DCDC1: variants seen among roughly 807,000 people sequenced by gnomAD.
DCDC1 encodes the protein doublecortin domain containing 1.
In DCDC1, 200 loss-of-function variants were observed where a neutral mutation model predicts 178.3. The observed-to-expected ratio is 1.12, with a 90% CI of 1.00 to 1.26. DCDC1 has a LOEUF of 1.26. DCDC1 is among the 50% of genes most tolerant of loss of function. DCDC1 has a pLI of 0.00. For missense variants in DCDC1, 1,983 were observed against 1,749.2 expected (o/e 1.13, Z -2.38); for synonymous variants, 690 against 604.8 (o/e 1.14, Z -2.07).
intron 20 of DCDC1, among the ~76,000 whole-genome samples, chr11:30,966,318 A>T: frequency 1.6e-5 from 1 of 61,026 alleles, no homozygotes; most frequent in African/African-American, 7.3e-5. Flanking sequence ...ATGATATCTC[A>T]TAGTGGTTTT....
At chr11:31,326,642 A>G (rs917681878) in intron 3 of DCDC1, among the ~76,000 whole-genome samples, 1 of 152,176 alleles carries the variant, frequency 6.6e-6, no homozygotes, top group Non-Finnish European at 1.5e-5. Context: ...AGGATCTCAT[A>G]TACTGCTAAT....
At chr11:31,101,439 G>A (rs1387916241) in intron 15 of DCDC1, among the ~76,000 whole-genome samples, 1 of 152,058 alleles carries the variant, frequency 6.6e-6, no homozygotes, top group African/African-American at 2.4e-5. Context: ...TCAGGATTGG[G>A]TTGCCATGAG....
intron 9 of DCDC1, among the ~76,000 whole-genome samples, chr11:31,178,531 A>C (rs1001741553): frequency 6.6e-6 from 1 of 152,222 alleles, no homozygotes; most frequent in African/African-American, 2.4e-5. Context: ...AAATTACATC[A>C]AACTAAAAAG....
chr11:31,133,897 T>A (rs184150826), intron 10 of DCDC1, among the ~76,000 whole-genome samples: 1 of 152,250 alleles, frequency 6.6e-6, no homozygotes, highest in Admixed American at 6.5e-5. Context: ...AAAGATTGGT[T>A]TCACTATGTT....
At chr11:31,260,487 G>A (rs1393819712) in intron 8 of DCDC1, among the ~76,000 whole-genome samples, 1 of 152,082 alleles carries the variant, frequency 6.6e-6, no homozygotes, top group African/African-American at 2.4e-5. Context: ...AGAATTGCTG[G>A]GCATAATTTG....
In DCDC1 at chr11:31,182,993, A is replaced by C. The variant is rs532745958; in HGVS notation, c.1222-45209T>G. On this transcript the variant is annotated intron_variant, in intron 9 of 38. Transcript: ENST00000684477. ...CAGACTTTAAACCAACAAAGATCAA[A>C]AAAGACAAAGAAGGGCATTATATAA... Among the ~76,000 whole-genome samples, 329 of 152,336 alleles carry C rather than the reference A, an allele frequency of 2.2e-3. 2 individuals are homozygous for C. Among genetic ancestry groups the C allele is most frequent in the African/African-American group, 7.6e-3 (318 of 41,572 alleles).
intron 25 of DCDC1, 24 bp downstream of exon 25, chr11:30,920,752 T>A: frequency 6.2e-7 from 1 of 1,611,072 alleles, no homozygotes; most frequent in Non-Finnish European, 8.5e-7. Flanking sequence ...CCAGGTAGCT[T>A]TTCAGGCTAC....
At chr11:31,349,027 AT>A (rs146672032) in intron 1 of DCDC1, among the ~76,000 whole-genome samples, 6 of 137,912 alleles carry the variant, frequency 4.4e-5, no homozygotes, top group African/African-American at 8.2e-5. Flanking sequence ...ATAATAGCTT[AT>A]TTTTTTTTAA....
chr11:30,956,733 TAAAG>T (rs1948794617), intron 20 of DCDC1, among the ~76,000 whole-genome samples: 2 of 152,190 alleles, frequency 1.3e-5, no homozygotes, highest in African/African-American at 4.8e-5. Context: ...TTTAGGATAA[TAAAG>T]AAGTCATTAA....
chr11:31,342,251 C>A (rs10835765), intron 1 of DCDC1, among the ~76,000 whole-genome samples: 14,736 of 152,200 alleles, frequency 0.097, 1,973 homozygotes, highest in African/African-American at 0.3. Flanking sequence ...AGCAATATAA[C>A]TAACTTACAC....
chr11:31,351,703 A>G (rs1951082506), intron 1 of DCDC1, among the ~76,000 whole-genome samples: 1 of 152,154 alleles, frequency 6.6e-6, no homozygotes. Context: ...CCTCCCAAGC[A>G]TGAAATTTCA....
At chr11:31,006,414 C>G (rs1484097610) in intron 20 of DCDC1, among the ~76,000 whole-genome samples, 1 of 152,118 alleles carries the variant, frequency 6.6e-6, no homozygotes, top group Non-Finnish European at 1.5e-5. Context: ...GGGTTGATGA[C>G]TGGTGAGTCC....
intron 17 of DCDC1, among the ~76,000 whole-genome samples, chr11:31,090,228 T>G (rs1957733423): frequency 6.6e-6 from 1 of 152,160 alleles, no homozygotes; most frequent in African/African-American, 2.4e-5. Context: ...TCTGCCTGAT[T>G]TTTTCAAGTG....
At chr11:31,109,274 T>C (rs907786974) in intron 12 of DCDC1, among the ~76,000 whole-genome samples, 6 of 151,912 alleles carry the variant, frequency 3.9e-5, no homozygotes, top group African/African-American at 1.4e-4. Context: ...CATGCCACCA[T>C]GCCAGGCTAA....
intron 20 of DCDC1, among the ~76,000 whole-genome samples, chr11:31,040,179 T>C (rs1334756071): frequency 6.6e-6 from 1 of 152,138 alleles, no homozygotes; most frequent in Non-Finnish European, 1.5e-5. Context: ...ACAGAGCCTA[T>C]GTCTTGAGAA....
At chr11:31,007,306 A>G (rs1951902941) in intron 20 of DCDC1, among the ~76,000 whole-genome samples, 1 of 152,218 alleles carries the variant, frequency 6.6e-6, no homozygotes, top group Non-Finnish European at 1.5e-5. Flanking sequence ...AGTGACATCT[A>G]GAACCCAACA....
intron 1 of DCDC1, among the ~76,000 whole-genome samples, chr11:31,365,061 C>G (rs1201512185): frequency 6.6e-6 from 1 of 152,120 alleles, no homozygotes; most frequent in Non-Finnish European, 1.5e-5. Flanking sequence ...CATAGTACTT[C>G]CTACAGTTAT....
intron 1 of DCDC1, among the ~76,000 whole-genome samples, chr11:31,364,809 T>C (rs1951879588): frequency 6.6e-6 from 1 of 150,662 alleles, no homozygotes; most frequent in Admixed American, 6.6e-5. Flanking sequence ...TGATTCTCAA[T>C]ACTATCTAAA....
chr11:31,134,634 A>T (rs1962894884), intron 10 of DCDC1, among the ~76,000 whole-genome samples: 2 of 152,228 alleles, frequency 1.3e-5, no homozygotes, highest in South Asian at 4.1e-4. Flanking sequence ...CTTGGTACCT[A>T]CATTATACAG....
Sources: allele counts gnomAD v4.1 joint callset (sites outside exome capture counted in the v4.1 genomes callset), GRCh38; gene constraint gnomAD v4.1.1; transcripts MANE v1.5; gene names NCBI Gene and HGNC (gene_info 2026-07-23, HGNC 2026-07-21).